COG2: variants seen among roughly 807,000 people sequenced by gnomAD.
COG2 encodes conserved oligomeric Golgi complex subunit 2.
Under a neutral mutation model 90.6 loss-of-function variants are expected in COG2, and 52 were observed. The ratio of observed to expected loss-of-function variants is 0.57; its 90% confidence interval spans 0.46 to 0.72. The LOEUF is 0.72. Ranked by LOEUF, COG2 falls within the 30% of genes least tolerant of loss-of-function variation. The probability of loss-of-function intolerance (pLI) is 0.00; values close to 1 mark genes in which losing one functional copy is unlikely to be tolerated. For synonymous variants in COG2, 337 were observed against 320.4 expected (o/e 1.05, Z -0.55); for missense variants, 829 against 891.2 (o/e 0.93, Z 0.89).
intron 10 of COG2, chr1:230,681,385 C>T (rs1662743952): frequency 6.6e-6 from 1 of 152,140 alleles, no homozygotes; most frequent in Non-Finnish European, 1.5e-5. Flanking sequence ...GTGGAATCTA[C>T]ATAGTAGTAT....
At chr1:230,672,061 CT>C (rs1051086760) in intron 8 of COG2, among the ~76,000 whole-genome samples, 2 of 152,160 alleles carry the variant, frequency 1.3e-5, no homozygotes, top group African/African-American at 4.8e-5. Context: ...GTTTCCATGA[CT>C]TCCTGATTCT....
Position 230,675,931 on chromosome 1 carries a change from A to G in COG2, c.1026+807A>G, listed in dbSNP as rs767210440. On this transcript the variant is annotated intron_variant, in intron 9 of 17. Coordinates refer to ENST00000366669, the MANE Select transcript of COG2 (RefSeq NM_007357.3). The stretch of plus-strand genomic sequence containing the variant: ...CAACCTTCCAAAGTGCTAGGATTTC[A>G]GCCCCCATGTCCAGCCCTATTCCAC... 1.1e-3 allele frequency among the ~76,000 whole-genome samples: 164 copies of G among 151,318 alleles called. 1 individual carries two copies. Among genetic ancestry groups the G allele is most frequent in the Admixed American group, 2.0e-3 (31 of 15,182 alleles).
chr1:230,674,946 C>T, intron 8 of COG2, 52 bp from the exon 9 acceptor site: 1 of 1,449,336 alleles, frequency 6.9e-7, no homozygotes, highest in Non-Finnish European at 9.3e-7. Context: ...GAAATTTGCT[C>T]TTTGTAAGTA....
intron 3 of COG2, 156 bp downstream of exon 3, chr1:230,660,979 C>T (rs1662167098): frequency 2.3e-6 from 1 of 434,222 alleles, no homozygotes; most frequent in Non-Finnish European, 4.1e-6. Flanking sequence ...GTTGTAAATC[C>T]TTCTCTATTT....
At chr1:230,690,214 C>A in intron 16 of COG2, 61 bp downstream of exon 16, 1 of 1,481,072 alleles carries the variant, frequency 6.8e-7, no homozygotes, top group Non-Finnish European at 9.3e-7. Context: ...GCAGAAACCC[C>A]CAAGGCAATC....
In COG2 at chr1:230,687,108, A is replaced by C. The variant is rs780081128; in HGVS notation, c.1554A>C (p.Ala518=). 1.2e-6 allele frequency: 2 copies of C among 1,611,734 alleles called. No individual in the cohort carries two copies. The highest frequency in any genetic ancestry group is 1.7e-6 in the Non-Finnish European group (2 of 1,178,748). ...GCACTCAGCTCGTGTATGTGGTTGC[A>C]GACCTGGACAAGCTTCAGGAGCAGG... The part of the protein sequence containing the change: ...ISRTQLVYVV[A]DLDKLQEQLP... Residue 518 remains alanine, a synonymous_variant, in exon 13 of 18, where the codon GCA becomes GCC. Transcript: ENST00000366669.
intron 16 of COG2, 87 bp from the exon 17 acceptor site, chr1:230,691,297 T>G (rs367890754): frequency 4.2e-6 from 5 of 1,197,634 alleles, no homozygotes; most frequent in African/African-American, 3.1e-5. Flanking sequence ...CTTAAAAATC[T>G]CTTTTTTTGG....
At chr1:230,642,773 C>A in intron 1 of COG2, 95 bp downstream of exon 1, 3 of 1,228,060 alleles carry the variant, frequency 2.4e-6, no homozygotes, top group Non-Finnish European at 2.3e-6. Context: ...CTCCTGCCTG[C>A]GCACGCTCAG....
intron 13 of COG2, 48 bp downstream of exon 13, chr1:230,687,180 C>T (rs761555462): frequency 1.3e-6 from 2 of 1,535,998 alleles, no homozygotes; most frequent in East Asian, 4.6e-5. Context: ...TTAATGTTTT[C>T]ACAGAAGGTA....
intron 17 of COG2, among the ~76,000 whole-genome samples, chr1:230,692,479 C>G (rs1019969865): frequency 3.3e-5 from 5 of 151,954 alleles, no homozygotes; most frequent in Non-Finnish European, 7.4e-5. Context: ...AGAGATATAT[C>G]CCGGTAAAAG....
rs373768786 is a variant in COG2 at position 230,648,908 on chromosome 1, G to A, written c.72+6230G>A. 1.1e-4 allele frequency among the ~76,000 whole-genome samples: 17 copies of A among 152,300 alleles called. No individual in the cohort carries two copies. The East Asian group carries it at 1.5e-3, about 14-fold the overall frequency. On this transcript the variant is annotated intron_variant, in intron 1 of 17. Transcript: ENST00000366669. Reference sequence around the variant, plus strand: ...TCAAGAAATTAAGTTGAGAAAGTAAGCTAGAAGACCACATAGATTGTCATT... The same window carrying A: ...TCAAGAAATTAAGTTGAGAAAGTAAACTAGAAGACCACATAGATTGTCATT...
intron 3 of COG2, among the ~76,000 whole-genome samples, chr1:230,662,140 C>T (rs1662195871): frequency 6.6e-6 from 1 of 152,130 alleles, no homozygotes; most frequent in Admixed American, 6.5e-5. Context: ...CCTGCAGGCT[C>T]TAGTCTTTTC....
chr1:230,661,759 A>T (rs1662184554), intron 3 of COG2, among the ~76,000 whole-genome samples: 1 of 152,222 alleles, frequency 6.6e-6, no homozygotes, highest in Admixed American at 6.5e-5. Flanking sequence ...ATAATTCTTA[A>T]AAGAGAGGTC....
At chr1:230,689,399 G>A (rs947632321) in intron 15 of COG2, among the ~76,000 whole-genome samples, 2 of 152,170 alleles carry the variant, frequency 1.3e-5, no homozygotes, top group Non-Finnish European at 2.9e-5. Flanking sequence ...GGCTGTTACA[G>A]TAATACATTT....
intron 8 of COG2, among the ~76,000 whole-genome samples, chr1:230,673,700 T>A (rs1015026704): frequency 6.6e-6 from 1 of 152,222 alleles, no homozygotes; most frequent in African/African-American, 2.4e-5. Flanking sequence ...TATAATATGA[T>A]GTGTGGAATT....
chr1:230,673,028 A>C (rs574395878), intron 8 of COG2, among the ~76,000 whole-genome samples: 38 of 152,286 alleles, frequency 2.5e-4, no homozygotes, highest in African/African-American at 6.0e-4. Context: ...GTACCACCTA[A>C]GATGAAGTCT....
intron 8 of COG2, among the ~76,000 whole-genome samples, chr1:230,674,157 G>A (rs936613323): frequency 4.6e-5 from 7 of 152,162 alleles, no homozygotes; most frequent in African/African-American, 7.2e-5. Flanking sequence ...TTATTTAACC[G>A]TTACTAACAT....
chr1:230,648,508 C>G (rs1661842212), intron 1 of COG2, among the ~76,000 whole-genome samples: 1 of 152,190 alleles, frequency 6.6e-6, no homozygotes, highest in Non-Finnish European at 1.5e-5. Context: ...ATGTGAAATA[C>G]TTTTCTTGAT....
chr1:230,670,838 C>G (rs1415423265), intron 7 of COG2: 1 of 152,082 alleles, frequency 6.6e-6, no homozygotes, highest in African/African-American at 2.4e-5. Flanking sequence ...ATCTTGAACT[C>G]CTGAGCGCAA....
Sources: allele counts gnomAD v4.1 joint callset (sites outside exome capture counted in the v4.1 genomes callset), GRCh38; gene constraint gnomAD v4.1.1; transcripts MANE v1.5; gene names NCBI Gene and HGNC (gene_info 2026-07-23, HGNC 2026-07-21).